Variants in ATP2B1 observed in about 807,000 individuals in gnomAD.
The protein encoded by ATP2B1 is plasma membrane calcium-transporting ATPase 1.
Under a neutral mutation model 124.2 loss-of-function variants are expected in ATP2B1, and 14 were observed. That is an observed-to-expected ratio of 0.11 (90% confidence interval 0.07 to 0.18). ATP2B1 has a LOEUF of 0.18. ATP2B1 is among the 10% of genes least tolerant of loss of function. The pLI, the probability that ATP2B1 is intolerant of heterozygous loss-of-function variation, is 1.00. For synonymous variants in ATP2B1, 449 were observed against 492.4 expected, an observed-to-expected ratio of 0.91 and a Z score of 1.17; for missense variants, 763 against 1,466.1, an observed-to-expected ratio of 0.52 and a Z score of 7.83.
chr12:89,644,458 T>C (rs1884126903), intron 2 of ATP2B1, among the ~76,000 whole-genome samples: 1 of 151,606 alleles, frequency 6.6e-6, no homozygotes, highest in Admixed American at 6.6e-5. Flanking sequence ...TTCAAAGATT[T>C]CAGAAAATGA....
intron 3 of ATP2B1, among the ~76,000 whole-genome samples, chr12:89,641,468 T>A (rs1883492409): frequency 6.6e-6 from 1 of 151,984 alleles, no homozygotes; most frequent in Non-Finnish European, 1.5e-5. Flanking sequence ...AACATCAATT[T>A]ATGTTTCATA....
intron 1 of ATP2B1, among the ~76,000 whole-genome samples, chr12:89,656,910 C>G (rs1886026531): frequency 2.0e-5 from 3 of 152,182 alleles, no homozygotes; most frequent in Admixed American, 6.5e-5. Context: ...TTGCCCATTA[C>G]TACATCTTGA....
chr12:89,626,581 C>T lies in ATP2B1; in HGVS notation c.1002G>A (p.Gln334=). Residue 334 remains glutamine, a synonymous_variant, in exon 8 of 21, where the codon CAG becomes CAA. Transcript: ENST00000428670. ...KAQDGAAMEM[Q]PLKSEEGGDG... ...CTCCACCTTCTTCACTCTTCAATGG[C>T]TGCATTTCCATGGCTGCACCATCCT... 1 of 1,612,176 alleles carries T rather than the reference C, an allele frequency of 6.2e-7. No homozygotes were observed.
intron 1 of ATP2B1, among the ~76,000 whole-genome samples, chr12:89,671,713 T>TA (rs1165054470): frequency 6.6e-6 from 1 of 151,182 alleles, no homozygotes; most frequent in Non-Finnish European, 1.5e-5. Flanking sequence ...TCCCATGTGG[T>TA]AAATCTACAG....
rs1873001646 is a variant in ATP2B1, at chr12:89,588,423, A to G, written c.*2561T>C. 6.6e-6 allele frequency: 1 copy of G among 152,626 alleles called. No homozygotes were observed. The highest frequency in any genetic ancestry group is 1.5e-5 in the Non-Finnish European group (1 of 68,014). 9.5% of individuals were successfully genotyped at this position (152,626 alleles called of 1,614,324 possible). A position where few individuals can be genotyped will look rare whatever the true frequency, so the allele number is the denominator to read the frequency against. ...GGAGAAAAGGATTTTTAAAAAATAT[A>G]CAAAGATTAAAAACATTTGGGATGC... is the stretch of plus-strand genomic sequence containing the variant. On this transcript the variant is annotated 3_prime_UTR_variant, in exon 21 of 21. Coordinates refer to ENST00000428670, the MANE Select transcript of ATP2B1 (RefSeq NM_001366521.1).
chr12:89,672,501 C>T (rs2136536069), intron 1 of ATP2B1, among the ~76,000 whole-genome samples: 1 of 152,228 alleles, frequency 6.6e-6, no homozygotes, highest in South Asian at 2.1e-4. Flanking sequence ...ACTGGGCCCT[C>T]TGATGTATGT....
intron 1 of ATP2B1, among the ~76,000 whole-genome samples, chr12:89,684,119 A>C (rs1889684490): frequency 6.6e-6 from 1 of 152,198 alleles, no homozygotes; most frequent in African/African-American, 2.4e-5. Flanking sequence ...AAGAAGAAAT[A>C]AGAAAACATA....
intron 1 of ATP2B1, among the ~76,000 whole-genome samples, chr12:89,705,374 T>A (rs1442019085): frequency 3.9e-5 from 6 of 152,112 alleles, no homozygotes. Flanking sequence ...AACCTAAATG[T>A]TTGTTTCTGC....
chr12:89,704,782 T>A (rs747658493), intron 1 of ATP2B1, among the ~76,000 whole-genome samples: 4 of 152,140 alleles, frequency 2.6e-5, no homozygotes, highest in Non-Finnish European at 2.9e-5. Context: ...AGAGACACTA[T>A]CTTTGGGCAC....
At chr12:89,689,394 T>C (rs1345722411) in intron 1 of ATP2B1, among the ~76,000 whole-genome samples, 1 of 152,058 alleles carries the variant, frequency 6.6e-6, no homozygotes, top group Non-Finnish European at 1.5e-5. Flanking sequence ...CGAAATAAAA[T>C]TTAAACTTTC....
At position 89,590,327 on chromosome 12, in the gene ATP2B1, A is replaced by G. The variant is rs1462781733; in HGVS notation, c.*657T>C. The G allele has an allele frequency of 6.6e-6, 1 of 151,456 alleles. No individual in the cohort carries two copies. The highest frequency in any genetic ancestry group is 1.5e-5 in the Non-Finnish European group (1 of 67,806). The allele number at this position is 151,456 out of a possible 1,614,324, so 9.4% of individuals were successfully genotyped here. A position where few individuals can be genotyped will look rare whatever the true frequency, so the allele number is the denominator to read the frequency against. The stretch of plus-strand genomic sequence containing the variant: ...TTTAAACAAAGCATTAGTGTTATCT[A>G]TTTGGCTATTAGTATTAGCAATTTA... On this transcript the variant is annotated 3_prime_UTR_variant, in exon 21 of 21. Transcript: ENST00000428670.
intron 1 of ATP2B1, among the ~76,000 whole-genome samples, chr12:89,707,710 C>A (rs1278696821): frequency 6.6e-6 from 1 of 152,186 alleles, no homozygotes; most frequent in Admixed American, 6.5e-5. Context: ...GGTGCGAGCA[C>A]TCCCAGCGCT....
intron 6 of ATP2B1, 89 bp downstream of exon 6, chr12:89,630,415 CA>C (rs1475720613): frequency 8.5e-7 from 1 of 1,176,306 alleles, no homozygotes; most frequent in Non-Finnish European, 1.1e-6. Context: ...TAGAATTTTT[CA>C]TACCAGAATC....
intron 20 of ATP2B1, among the ~76,000 whole-genome samples, chr12:89,596,891 T>C (rs1273718366): frequency 6.6e-6 from 1 of 152,126 alleles, no homozygotes. Context: ...AATCCCTTAG[T>C]TTATTCCTCT....
chr12:89,674,625 G>A (rs995780769), intron 1 of ATP2B1, among the ~76,000 whole-genome samples: 13 of 152,264 alleles, frequency 8.5e-5, no homozygotes, highest in Admixed American at 5.2e-4. Flanking sequence ...TTTCAACAGC[G>A]TTTTTGGTTT....
chr12:89,658,645 G>GAGAGAGAT (rs1555204352), intron 1 of ATP2B1, among the ~76,000 whole-genome samples: 6 of 138,084 alleles, frequency 4.3e-5, no homozygotes, highest in South Asian at 2.2e-4. Flanking sequence ...GAGAGAGAGA[G>GAGAGAGAT]AGATAGAGAT....
intron 1 of ATP2B1, among the ~76,000 whole-genome samples, chr12:89,704,633 C>CA (rs930579650): frequency 1.3e-5 from 2 of 151,398 alleles, no homozygotes; most frequent in African/African-American, 4.9e-5. Flanking sequence ...AAACAAAAAA[C>CA]AAAAAAAAGT....
intron 2 of ATP2B1, among the ~76,000 whole-genome samples, chr12:89,652,631 T>C (rs1217588012): frequency 6.6e-6 from 1 of 152,252 alleles, no homozygotes; most frequent in Non-Finnish European, 1.5e-5. Context: ...TATTACCATT[T>C]GTATGCTTGA....
intron 1 of ATP2B1, among the ~76,000 whole-genome samples, chr12:89,671,520 T>C (rs974992182): frequency 2.6e-5 from 4 of 152,164 alleles, no homozygotes; most frequent in Non-Finnish European, 5.9e-5. Flanking sequence ...CATGGATCCT[T>C]TCGCCTAATC....
Sources: gnomAD v4.1 joint callset for allele counts (sites outside exome capture counted in the v4.1 genomes callset) on GRCh38, gnomAD v4.1.1 for gene constraint, MANE v1.5 for transcripts, NCBI Gene and HGNC (gene_info 2026-07-23, HGNC 2026-07-21) for gene names.